Variants in PALLD observed in about 807,000 individuals in gnomAD.
PALLD encodes the protein palladin, cytoskeletal associated protein, also known as palladin.
PALLD carries 61 observed loss-of-function variants against 123.5 expected under a neutral mutation model. The ratio of observed to expected loss-of-function variants is 0.49; its 90% confidence interval spans 0.40 to 0.61. The LOEUF (loss-of-function observed/expected upper bound fraction) is 0.61. Ranked by LOEUF, PALLD falls within the 20% of genes least tolerant of loss-of-function variation. The pLI is 0.00. For synonymous variants in PALLD, 465 were observed against 496.4 expected (o/e 0.94, Z 0.84); for missense variants, 1,273 against 1,377.0 (o/e 0.92, Z 1.20).
rs551684101 is a variant in PALLD, at chr4:168,708,946, G to A, written c.1502-82G>A. ...ATAATCATAACCTAATTTGTTTGTT[G>A]TGGAAAGGTGGAGGGTCTCACTTCT... On this transcript the variant is annotated intron_variant, in intron 8 of 21. Coordinates refer to ENST00000505667, the MANE Select transcript of PALLD (RefSeq NM_001166108.2). The A allele has an allele frequency of 3.7e-3, 4,422 of 1,196,502 alleles. 39 individuals are homozygous for A. The highest frequency in any genetic ancestry group is 0.011 in the South Asian group (913 of 82,642). The allele number at this position is 1,196,502 out of a possible 1,614,324, so 74.1% of individuals were successfully genotyped here.
intron 10 of PALLD, among the ~76,000 whole-genome samples, chr4:168,871,945 T>C (rs965151721): frequency 2.0e-5 from 3 of 152,066 alleles, no homozygotes; most frequent in Non-Finnish European, 2.9e-5. Context: ...CCACAGAGAG[T>C]TGGATCTCCA....
At chr4:168,622,860 G>A (rs1364275950) in intron 2 of PALLD, among the ~76,000 whole-genome samples, 1 of 152,170 alleles carries the variant, frequency 6.6e-6, no homozygotes, top group African/African-American at 2.4e-5. Context: ...CGTGCCTTGG[G>A]GCAAGACCAC....
intron 2 of PALLD, among the ~76,000 whole-genome samples, chr4:168,630,344 A>G (rs182445221): frequency 1.3e-5 from 2 of 152,354 alleles, no homozygotes; most frequent in Admixed American, 1.3e-4. Flanking sequence ...ACAAGAAGGG[A>G]CTGAACCTGT....
chr4:168,666,386 T>C (rs1169987520), intron 2 of PALLD, among the ~76,000 whole-genome samples: 2 of 152,196 alleles, frequency 1.3e-5, no homozygotes, highest in Non-Finnish European at 2.9e-5. Context: ...TAGTAGGTAA[T>C]GCAGTTCCTC....
At chr4:168,560,204 A>G (rs919815696) in intron 2 of PALLD, among the ~76,000 whole-genome samples, 4 of 152,322 alleles carry the variant, frequency 2.6e-5, no homozygotes, top group African/African-American at 9.6e-5. Context: ...TTGTTGTTCA[A>G]TAAAATAGTT....
chr4:168,531,360 T>C (rs2874111), intron 2 of PALLD, among the ~76,000 whole-genome samples: 63,434 of 151,968 alleles, frequency 0.42, 14,355 homozygotes, highest in African/African-American at 0.6. Flanking sequence ...ATTACAGAGA[T>C]GAAAGGCTGC....
rs1560894892 is a variant in PALLD at position 168,905,138 on chromosome 4, G to GTTTTTTGTTTT, written c.2622+1238_2622+1239insGTTTTTTTTTT. 6.1e-4 allele frequency among the ~76,000 whole-genome samples: 21 copies of GTTTTTTGTTTT among 34,538 alleles called. 3 individuals carry two copies. The highest frequency in any genetic ancestry group is 1.9e-3 in the East Asian group (1 of 524). The allele number at this position is 34,538 out of a possible 152,430, so 22.7% of individuals were successfully genotyped here. ...TGAGACTTTGTTTTTTGTTTTGTTG[G>GTTTTTTGTTTT]TTTTTTTTTTTTTTTTTTTTTTTTT... On this transcript the variant is annotated intron_variant, in intron 15 of 21. Coordinates refer to ENST00000505667, the MANE Select transcript of PALLD (RefSeq NM_001166108.2).
At chr4:168,693,660 C>G (rs1481989261) in intron 8 of PALLD, among the ~76,000 whole-genome samples, 4 of 152,160 alleles carry the variant, frequency 2.6e-5, no homozygotes, top group Non-Finnish European at 5.9e-5. Flanking sequence ...AGAAATATTT[C>G]TAGCAAATCT....
chr4:168,826,452 G>A (rs1743433448), intron 10 of PALLD, among the ~76,000 whole-genome samples: 1 of 152,136 alleles, frequency 6.6e-6, no homozygotes, highest in African/African-American at 2.4e-5. Context: ...CCCCTTACCA[G>A]CTCCGTGCCC....
intron 15 of PALLD, among the ~76,000 whole-genome samples, chr4:168,909,878 A>G (rs956647177): frequency 3.9e-5 from 6 of 152,288 alleles, no homozygotes; most frequent in African/African-American, 1.4e-4. Flanking sequence ...TTTTTCCCCC[A>G]AACAAAAATG....
intron 10 of PALLD, among the ~76,000 whole-genome samples, chr4:168,881,297 G>T (rs963034432): frequency 1.2e-4 from 19 of 152,060 alleles, no homozygotes; most frequent in African/African-American, 3.9e-4. Flanking sequence ...AGGAAGGTTA[G>T]TAAGTACTAA....
intron 2 of PALLD, among the ~76,000 whole-genome samples, chr4:168,639,760 G>A (rs369658864): frequency 1.4e-3 from 216 of 152,134 alleles, no homozygotes; most frequent in Non-Finnish European, 2.4e-3. Flanking sequence ...TAGCCAGGAT[G>A]GTCTCGATCT....
intron 10 of PALLD, among the ~76,000 whole-genome samples, chr4:168,801,643 A>G (rs1739349356): frequency 6.6e-6 from 1 of 152,244 alleles, no homozygotes; most frequent in South Asian, 2.1e-4. Flanking sequence ...CAAGACAAAG[A>G]GAACGACCTG....
At chr4:168,587,885 G>A (rs1017061718) in intron 2 of PALLD, among the ~76,000 whole-genome samples, 1 of 152,094 alleles carries the variant, frequency 6.6e-6, no homozygotes, top group African/African-American at 2.4e-5. Context: ...GGGTGCAGGG[G>A]AGATTCAAGT....
chr4:168,719,158 G>T (rs1028863981), intron 10 of PALLD, among the ~76,000 whole-genome samples: 1 of 149,844 alleles, frequency 6.7e-6, no homozygotes, highest in South Asian at 2.1e-4. Context: ...CACCCGTCTT[G>T]TCCTCCCAAA....
Position 168,511,935 on chromosome 4 carries a change from G to A in PALLD, c.431G>A (p.Gly144Asp). 6.2e-7 allele frequency: 1 copy of A among 1,614,166 alleles called. No homozygotes were observed. The highest frequency in any genetic ancestry group is 8.5e-7 in the Non-Finnish European group (1 of 1,180,018). Reference protein sequence around the residue: ...IRSLRKAEKRGAKTPSTNVKP... With the variant: ...IRSLRKAEKRDAKTPSTNVKP... ...AGCCTCCGAAAGGCTGAAAAGCGTG[G>A]TGCAAAAACTCCCAGCACAAACGTA... Residue 144 changes from glycine (G) to aspartate (D), a missense_variant, in exon 2 of 22, where the codon GGT (glycine) becomes GAT (aspartate). Gly to Asp is a moderately conservative substitution (Grantham distance 94). This residue lies in a region of PALLD where 944 missense variants were observed against 954.5 expected (regional missense o/e 0.99). Coordinates refer to ENST00000505667, the MANE Select transcript of PALLD (RefSeq NM_001166108.2).
At chr4:168,721,440 T>C (rs73864628) in intron 10 of PALLD, among the ~76,000 whole-genome samples, 10,079 of 151,714 alleles carry the variant, frequency 0.066, 1,021 homozygotes, top group African/African-American at 0.22. Context: ...TAACTTAATG[T>C]CAATTTTATG....
chr4:168,894,284 C>T, intron 11 of PALLD: 2 of 393,780 alleles, frequency 5.1e-6, no homozygotes, highest in Non-Finnish European at 4.7e-6. Context: ...CCATGTTTTT[C>T]ATTAAGGACA....
intron 8 of PALLD, among the ~76,000 whole-genome samples, chr4:168,693,112 C>T (rs1322462555): frequency 6.7e-6 from 1 of 148,936 alleles, no homozygotes; most frequent in African/African-American, 2.6e-5. Flanking sequence ...CCGCGCCCTG[C>T]ATCTTCATCA....
Sources: gnomAD v4.1 joint callset for allele counts (sites outside exome capture counted in the v4.1 genomes callset) on GRCh38, gnomAD v4.1.1 for gene constraint, gnomAD v4.1.1 regional missense constraint, MANE v1.5 for transcripts, NCBI Gene and HGNC (gene_info 2026-07-23, HGNC 2026-07-21) for gene names.